PDE10A: variants seen among roughly 807,000 people sequenced by gnomAD.
PDE10A encodes cAMP and cAMP-inhibited cGMP 3',5'-cyclic phosphodiesterase 10A.
Under a neutral mutation model 97.7 loss-of-function variants are expected in PDE10A, and 39 were observed. The observed-to-expected ratio is 0.40, with a 90% CI of 0.31 to 0.52. The LOEUF is 0.52. Ranked by LOEUF, PDE10A falls within the 20% of genes least tolerant of loss-of-function variation. The pLI is 0.56. For missense variants in PDE10A, 731 were observed against 1,047.8 expected (o/e 0.70, Z 4.17); for synonymous variants, 371 against 376.8 (o/e 0.98, Z 0.18).
intron 2 of PDE10A, among the ~76,000 whole-genome samples, chr6:165,507,600 C>T (rs1252206742): frequency 6.6e-6 from 1 of 151,996 alleles, no homozygotes; most frequent in African/African-American, 2.4e-5. Context: ...TGTCCAGATC[C>T]CTATTACTAA....
chr6:165,640,231 C>G (rs1209963924), intron 1 of PDE10A, among the ~76,000 whole-genome samples: 1 of 152,122 alleles, frequency 6.6e-6, no homozygotes, highest in Non-Finnish European at 1.5e-5. Context: ...CTAATGGTTT[C>G]TATTTACCAG....
Position 165,472,860 on chromosome 6 carries a change from G to A in PDE10A, c.1023+9455C>T, listed in dbSNP as rs562132765. Among the ~76,000 whole-genome samples, 13 of 152,216 alleles carry A rather than the reference G, an allele frequency of 8.5e-5. No homozygotes were observed. In the East Asian group the frequency reaches 2.1e-3, roughly 25 times the overall value. On this transcript the variant is annotated intron_variant, in intron 3 of 21. Transcript: ENST00000539869. ...TTTACACGTGAAAAGTTATATAATT[G>A]TTATTTTAATGGGACTACAATGAAA... is the stretch of plus-strand genomic sequence containing the variant.
intron 2 of PDE10A, among the ~76,000 whole-genome samples, chr6:165,527,748 G>A (rs1349757924): frequency 6.6e-6 from 1 of 152,218 alleles, no homozygotes; most frequent in Non-Finnish European, 1.5e-5. Context: ...GCACAAGTAA[G>A]TTACATGAGG....
At chr6:165,349,988 T>C (rs1205493451) in intron 18 of PDE10A, among the ~76,000 whole-genome samples, 3 of 152,188 alleles carry the variant, frequency 2.0e-5, no homozygotes, top group Admixed American at 1.3e-4. Context: ...AGAGCCCTCA[T>C]GGAGAACCCT....
At chr6:165,642,831 C>T (rs1387913266) in intron 1 of PDE10A, among the ~76,000 whole-genome samples, 1 of 152,220 alleles carries the variant, frequency 6.6e-6, no homozygotes, top group Non-Finnish European at 1.5e-5. Flanking sequence ...GAACGTGCGT[C>T]CCATCACACA....
Position 165,661,977 on chromosome 6 carries a change from G to C in PDE10A, c.835C>G (p.Arg279Gly). ...CTCAGGAAGCACTCGGTCAGCCTTC[G>C]GAAGCAGCTCGCATTATTAGAAGGT... is the stretch of plus-strand genomic sequence containing the variant. ...DGPSNNASCFRRLTECFLSPS... is the reference protein window; with the variant it reads ...DGPSNNASCFGRLTECFLSPS... Residue 279 changes from arginine (R) to glycine (G), a missense_variant, in exon 1 of 22, where the codon CGA (arginine) becomes GGA (glycine). This residue lies in a region of PDE10A where 181 missense variants were observed against 159.1 expected (regional missense o/e 1.14). Transcript: ENST00000539869. The surrounding 1 kb of genome is among the most constrained non-coding windows in gnomAD (Gnocchi z 4.8). 1 of 1,272,786 alleles carries C rather than the reference G, an allele frequency of 7.9e-7. No homozygotes were observed. Among genetic ancestry groups the C allele is most frequent in the East Asian group, 2.6e-5 (1 of 38,096 alleles). The allele number at this position is 1,272,786 out of a possible 1,614,324, so 78.8% of individuals were successfully genotyped here.
At chr6:165,618,977 GTC>G (rs1491137199) in intron 1 of PDE10A, among the ~76,000 whole-genome samples, 13,383 of 146,928 alleles carry the variant, frequency 0.091, 1,963 homozygotes, top group African/African-American at 0.31. Flanking sequence ...GTGTAGTGTA[GTC>G]TAGTGTAGTG....
At chr6:165,356,778 ACTTGCTT>A (rs1783053990) in intron 18 of PDE10A, among the ~76,000 whole-genome samples, 8 of 152,190 alleles carry the variant, frequency 5.3e-5, no homozygotes, top group Admixed American at 2.6e-4. Context: ...TAGCCTGTAA[ACTTGCTT>A]AATTCGCTTA....
At position 165,865,181 on chromosome 6, in the gene PDE10A, C is replaced by T. The variant is rs1205293457; in HGVS notation, c.-615+122348G>A. On this transcript the variant is annotated intron_variant, in intron 1 of 19. Coordinates refer to the PDE10A transcript ENST00000366882. The stretch of plus-strand genomic sequence containing the variant: ...TTAGCCACTGAAAAACTCACAGACA[C>T]CACCAACACTGAATACAACTGAAGA... 2.6e-5 allele frequency among the ~76,000 whole-genome samples: 4 copies of T among 152,190 alleles called. No homozygotes were observed. The East Asian group carries it at 7.7e-4, about 29-fold the overall frequency.
At chr6:165,849,940 C>T (rs975381446) in intron 1 of PDE10A, among the ~76,000 whole-genome samples, 17 of 152,180 alleles carry the variant, frequency 1.1e-4, no homozygotes, top group African/African-American at 3.1e-4. Flanking sequence ...TTTAATCACA[C>T]GGAATCTTGA....
At chr6:165,569,823 A>C (rs1043139512) in intron 1 of PDE10A, among the ~76,000 whole-genome samples, 9 of 152,212 alleles carry the variant, frequency 5.9e-5, no homozygotes. Context: ...GCATAAACCC[A>C]CATATGTTCT....
At position 165,868,605 on chromosome 6, in the gene PDE10A, C is replaced by G. The variant is rs574409595; in HGVS notation, c.-615+118924G>C. On this transcript the variant is annotated intron_variant, in intron 1 of 19. Transcript: ENST00000366882. Reference sequence around the variant, plus strand: ...TTCTAAAGAACAAATAAGACCAATTCTTCTCAAACTGTTACCAAAAATTGA... The same window carrying G: ...TTCTAAAGAACAAATAAGACCAATTGTTCTCAAACTGTTACCAAAAATTGA... Among the ~76,000 whole-genome samples, 30 of 152,118 alleles carry G rather than the reference C, an allele frequency of 2.0e-4. 1 individual carries two copies. The South Asian group carries it at 6.2e-3, about 31-fold the overall frequency.
At position 165,691,075 on chromosome 6, in the gene PDE10A, T is replaced by TTCTCTCTCTC. The variant is rs376093908; in HGVS notation, c.-614-147517_-614-147508dup. 9.9e-4 allele frequency among the ~76,000 whole-genome samples: 50 copies of TTCTCTCTCTC among 50,416 alleles called. 4 individuals are homozygous for TTCTCTCTCTC. The highest frequency in any genetic ancestry group is 5.1e-3 in the African/African-American group (44 of 8,674). 33.1% of individuals were successfully genotyped at this position (50,416 alleles called of 152,430 possible). A position where few individuals can be genotyped will look rare whatever the true frequency, so the allele number is the denominator to read the frequency against. ...CCTTACAGTAATACTCTCTCTCTCT[T>TTCTCTCTCTC]TCTCTCTCTCTCTCTCTCTCTCTTT... On this transcript the variant is annotated intron_variant, in intron 1 of 19. Transcript: ENST00000366882.
At chr6:165,629,824 A>G (rs1213727404) in intron 1 of PDE10A, among the ~76,000 whole-genome samples, 1 of 152,136 alleles carries the variant, frequency 6.6e-6, no homozygotes, top group Non-Finnish European at 1.5e-5. Context: ...ATCAGCCACC[A>G]CACGCAGCCT....
chr6:165,875,988 C>G (rs138708012), intron 1 of PDE10A, among the ~76,000 whole-genome samples: 47 of 152,298 alleles, frequency 3.1e-4, no homozygotes, highest in African/African-American at 1.1e-3. Context: ...TTTAAAGAAG[C>G]TTTTATGGAT....
At chr6:165,367,739 A>AAG (rs1783894481) in intron 18 of PDE10A, among the ~76,000 whole-genome samples, 1 of 151,876 alleles carries the variant, frequency 6.6e-6, no homozygotes, top group Non-Finnish European at 1.5e-5. Flanking sequence ...CCCACTAAGA[A>AAG]CTCTAAGTCC....
At position 165,648,862 on chromosome 6, in the gene PDE10A, C is replaced by T. The variant is rs189087063; in HGVS notation, c.865+13085G>A. Among the ~76,000 whole-genome samples, 390 of 152,262 alleles carry T rather than the reference C, an allele frequency of 2.6e-3. 2 individuals are homozygous for T. The highest frequency in any genetic ancestry group is 3.9e-3 in the Non-Finnish European group (265 of 68,020). On this transcript the variant is annotated intron_variant, in intron 1 of 21. Transcript: ENST00000539869. ...AATAACCTTTCACACAAAGGCATTC[C>T]GGGTGGCTTGCAAAGCCCCTGAAGG... is the stretch of plus-strand genomic sequence containing the variant.
intron 1 of PDE10A, among the ~76,000 whole-genome samples, chr6:165,730,028 A>G (rs1403563344): frequency 6.6e-6 from 1 of 152,180 alleles, no homozygotes; most frequent in Non-Finnish European, 1.5e-5. Flanking sequence ...TATACAAGAG[A>G]TATCTTGGAG....
At chr6:165,943,176 AAAGAAAGAAAG>A (rs1167476082) in intron 1 of PDE10A, among the ~76,000 whole-genome samples, 4,022 of 55,150 alleles carry the variant, frequency 0.073, 988 homozygotes, top group African/African-American at 0.15. Context: ...AAGAAAGAAA[AAAGAAAGAAAG>A]AAAGAAAGAA....
Sources: gnomAD v4.1 joint callset for allele counts (sites outside exome capture counted in the v4.1 genomes callset) on GRCh38, gnomAD v4.1.1 for gene constraint, gnomAD v4.1.1 regional missense constraint, Gnocchi (gnomAD v3.1) non-coding constraint, MANE v1.5 for transcripts, NCBI Gene and HGNC (gene_info 2026-07-23, HGNC 2026-07-21) for gene names.